IGSF11: variants seen among roughly 807,000 people sequenced by gnomAD.
IGSF11 encodes immunoglobulin superfamily member 11, also known as CXADR like 1.
Under a neutral mutation model 41.0 loss-of-function variants are expected in IGSF11, and 22 were observed. The ratio of observed to expected loss-of-function variants is 0.54; its 90% CI spans 0.38 to 0.77. The LOEUF (loss-of-function observed/expected upper bound fraction) is 0.77. Ranked by LOEUF, IGSF11 falls within the 30% of genes least tolerant of loss-of-function variation. The probability of loss-of-function intolerance (pLI) is 0.00; values close to 1 mark genes in which losing one functional copy is unlikely to be tolerated. For missense variants in IGSF11, 444 were observed against 530.8 expected (o/e 0.84, Z 1.61); for synonymous variants, 219 against 201.3 (o/e 1.09, Z -0.74).
intron 1 of IGSF11, chr3:118,943,180 T>C (rs1255377164): frequency 6.6e-6 from 1 of 152,218 alleles, no homozygotes; most frequent in African/African-American, 2.4e-5. Flanking sequence ...CCCAGCATTG[T>C]GGCTCTGTAA....
At chr3:118,949,203 C>G (rs1387502490) in intron 1 of IGSF11, 1 of 151,318 alleles carries the variant, frequency 6.6e-6, no homozygotes, top group African/African-American at 2.4e-5. Flanking sequence ...TCCCAAGAAA[C>G]CAAAACAAAG....
chr3:119,088,240 A>G (rs77325972), intron 1 of IGSF11, among the ~76,000 whole-genome samples: 2 of 60,902 alleles, frequency 3.3e-5, no homozygotes, highest in East Asian at 4.9e-4. Flanking sequence ...ACCACGGTGA[A>G]AAAAAAAAAC....
rs72953069 is a variant in IGSF11, at chr3:119,116,874, T to C, written c.-13-11669A>G. 6.7e-3 allele frequency among the ~76,000 whole-genome samples: 1,016 copies of C among 152,224 alleles called. 7 individuals carry two copies. Among genetic ancestry groups the C allele is most frequent in the African/African-American group, 0.023 (963 of 41,538 alleles). On this transcript the variant is annotated intron_variant, in intron 1 of 7. Coordinates refer to the IGSF11 transcript ENST00000425327. ...CTACCTGAACCGACAACCCCACTCC[T>C]GTAGCCCCACCCAGAAGTGATTTGG...
At chr3:119,107,802 A>G (rs777320176), upstream of IGSF11, among the ~76,000 whole-genome samples, 7,072 of 151,666 alleles carry the variant, frequency 0.047, 190 homozygotes, top group South Asian at 0.091. Context: ...AGCTTTCTAC[A>G]TATGGCTAGC....
chr3:119,009,154 A>T (rs944507415), intron 1 of IGSF11, among the ~76,000 whole-genome samples: 2 of 152,148 alleles, frequency 1.3e-5, no homozygotes, highest in Non-Finnish European at 2.9e-5. Context: ...ATTTCCTTCA[A>T]TGTTCACCCT....
At chr3:119,057,903 G>A (rs1026915025) in intron 1 of IGSF11, among the ~76,000 whole-genome samples, 5 of 152,154 alleles carry the variant, frequency 3.3e-5, no homozygotes, top group African/African-American at 1.2e-4. Context: ...ATGGTGCTGG[G>A]AAAACTGGCT....
intron 1 of IGSF11, among the ~76,000 whole-genome samples, chr3:118,953,401 G>A (rs1246319608): frequency 6.6e-6 from 1 of 152,052 alleles, no homozygotes; most frequent in Non-Finnish European, 1.5e-5. Flanking sequence ...TTTTCCTCTG[G>A]GTAGAGACCC....
At chr3:118,969,336 T>C (rs1284284984) in intron 1 of IGSF11, among the ~76,000 whole-genome samples, 1 of 152,066 alleles carries the variant, frequency 6.6e-6, no homozygotes, top group Non-Finnish European at 1.5e-5. Flanking sequence ...ACAGCTGATG[T>C]CTGAATGTAA....
intron 1 of IGSF11, among the ~76,000 whole-genome samples, chr3:118,942,658 T>C (rs1181300986): frequency 4.6e-5 from 7 of 152,250 alleles, no homozygotes; most frequent in Admixed American, 3.3e-4. Flanking sequence ...AATACGACTA[T>C]GCTGACTACA....
intron 1 of IGSF11, among the ~76,000 whole-genome samples, chr3:119,131,415 T>A (rs1185266306): frequency 5.3e-5 from 8 of 152,092 alleles, no homozygotes; most frequent in Non-Finnish European, 1.0e-4. Context: ...GTACACAAGC[T>A]TCACAGCAGA....
chr3:118,925,823 A>G, intron 4 of IGSF11: 1 of 194,758 alleles, frequency 5.1e-6, no homozygotes, highest in South Asian at 1.9e-4. Flanking sequence ...TACAGTTAAC[A>G]CAAAGAAGCT....
At position 118,901,729 on chromosome 3, in the gene IGSF11, C is replaced by A. The variant is rs1938880082; in HGVS notation, c.*791G>T. 1.3e-5 allele frequency: 2 copies of A among 149,980 alleles called. No individual in the cohort carries two copies. The highest frequency in any genetic ancestry group is 4.3e-4 in the South Asian group (2 of 4,704). 9.3% of individuals were successfully genotyped at this position (149,980 alleles called of 1,614,324 possible). ...TATACAACAGTCTTTTCTTTCTTAG[C>A]CCAATGCCTCTCATGTATTTAAAAA... is the stretch of plus-strand genomic sequence containing the variant. On this transcript the variant is annotated 3_prime_UTR_variant, in exon 7 of 7. Coordinates refer to ENST00000393775, the MANE Select transcript of IGSF11 (RefSeq NM_001015887.3).
chr3:119,041,874 C>T (rs761363396), intron 1 of IGSF11, among the ~76,000 whole-genome samples: 3 of 152,082 alleles, frequency 2.0e-5, no homozygotes, highest in East Asian at 1.9e-4. Flanking sequence ...GTTCAGAAAA[C>T]GAAAACAAAC....
rs997998356 is a variant in IGSF11, at chr3:118,999,620, A to G, written c.52+34911T>C. Among the ~76,000 whole-genome samples the G allele has an allele frequency of 5.9e-5, 9 of 152,246 alleles. 1 individual carries two copies. Among genetic ancestry groups the G allele is most frequent in the East Asian group, 1.9e-4 (1 of 5,176 alleles). On this transcript the variant is annotated intron_variant, in intron 1 of 6. Transcript: ENST00000393775. ...GAGCAAAAAATTTTGAAAATATTCA[A>G]TTTTTCTCATTGCACTGTATGTCAC...
intron 1 of IGSF11, among the ~76,000 whole-genome samples, chr3:119,122,891 G>T (rs1017578756): frequency 6.6e-6 from 1 of 152,224 alleles, no homozygotes; most frequent in African/African-American, 2.4e-5. Context: ...AACCATGCTG[G>T]CTTCAGGCGA....
At chr3:119,075,756 A>C (rs2076483905) in intron 1 of IGSF11, among the ~76,000 whole-genome samples, 1 of 152,202 alleles carries the variant, frequency 6.6e-6, no homozygotes, top group Non-Finnish European at 1.5e-5. Context: ...ATGCACAAAA[A>C]GCTTTTTATA....
chr3:118,974,257 T>C (rs1207286056), intron 1 of IGSF11, among the ~76,000 whole-genome samples: 1 of 152,104 alleles, frequency 6.6e-6, no homozygotes, highest in African/African-American at 2.4e-5. Flanking sequence ...CTAAAAGTAT[T>C]TGAATAAAAA....
chr3:119,091,397 T>C (rs923410173), intron 1 of IGSF11, among the ~76,000 whole-genome samples: 1 of 152,226 alleles, frequency 6.6e-6, no homozygotes, highest in Non-Finnish European at 1.5e-5. Flanking sequence ...AAAAGACATA[T>C]TCATTTGTAT....
At chr3:119,052,219 C>T (rs1941653210) in intron 1 of IGSF11, among the ~76,000 whole-genome samples, 1 of 152,128 alleles carries the variant, frequency 6.6e-6, no homozygotes, top group Admixed American at 6.6e-5. Flanking sequence ...GTGGCTCATG[C>T]CTATAATCTC....
Sources: allele counts gnomAD v4.1 joint callset (sites outside exome capture counted in the v4.1 genomes callset), GRCh38; gene constraint gnomAD v4.1.1; transcripts MANE v1.5; gene names NCBI Gene and HGNC (gene_info 2026-07-23, HGNC 2026-07-21).